The following ERBB4 variants were observed in gnomAD, a reference collection of about 807,000 sequenced individuals.
ERBB4 encodes erb-b2 receptor tyrosine kinase 4.
ERBB4 carries 42 observed loss-of-function variants against 158.0 expected under a neutral mutation model. The ratio of observed to expected loss-of-function variants is 0.27; its 90% CI spans 0.21 to 0.34. The LOEUF (loss-of-function observed/expected upper bound fraction) is 0.34, where lower values mean the gene tolerates loss of function less well. Among genes scored for constraint, ERBB4 ranks in the 10% least tolerant of loss-of-function variants. The pLI is 1.00. For missense variants in ERBB4, 1,333 were observed against 1,624.1 expected, an observed-to-expected ratio of 0.82 and a Z score of 3.08; for synonymous variants, 583 against 558.7, an observed-to-expected ratio of 1.04 and a Z score of -0.61.
At chr2:212,446,631 A>ATATATATATATATATC (rs2092362661) in intron 1 of ERBB4, among the ~76,000 whole-genome samples, 1 of 88,324 alleles carries the variant, frequency 1.1e-5, no homozygotes, top group Non-Finnish European at 2.4e-5. Context: ...ATATATATAT[A>ATATATATATATATATC]TATATATCCT....
intron 2 of ERBB4, among the ~76,000 whole-genome samples, chr2:212,003,216 G>GAAAGAAAGACAGAAA (rs1491317567): frequency 2.9e-5 from 1 of 34,472 alleles, no homozygotes; most frequent in African/African-American, 1.1e-4. Context: ...ACAGAAAGAA[G>GAAAGAAAGACAGAAA]GAAGGAAGGA....
chr2:211,715,663 A>G (rs2073872294), intron 7 of ERBB4, among the ~76,000 whole-genome samples: 2 of 152,084 alleles, frequency 1.3e-5, no homozygotes, highest in Admixed American at 1.3e-4. Context: ...GGTTGTTTAC[A>G]AGTGTGTCAC....
intron 3 of ERBB4, among the ~76,000 whole-genome samples, chr2:211,910,615 A>C (rs1471164379): frequency 1.3e-5 from 2 of 151,936 alleles, no homozygotes; most frequent in Non-Finnish European, 2.9e-5. Context: ...AGGAAAAATA[A>C]CTGAAGGACA....
intron 20 of ERBB4, among the ~76,000 whole-genome samples, chr2:211,498,348 T>C (rs2125586130): frequency 6.6e-6 from 1 of 152,264 alleles, no homozygotes; most frequent in Non-Finnish European, 1.5e-5. Flanking sequence ...GAGTTACTTG[T>C]TTATTTCTCT....
At chr2:212,529,829 T>C (rs1025448892) in intron 1 of ERBB4, among the ~76,000 whole-genome samples, 1 of 152,112 alleles carries the variant, frequency 6.6e-6, no homozygotes, top group African/African-American at 2.4e-5. Context: ...TAATTTAAAG[T>C]AAAACTTAAA....
chr2:211,828,740 G>A (rs1166190288), intron 3 of ERBB4, among the ~76,000 whole-genome samples: 1 of 152,070 alleles, frequency 6.6e-6, no homozygotes, highest in African/African-American at 2.4e-5. Flanking sequence ...CAGATTGGGA[G>A]TCCTTCCCAC....
At chr2:212,480,499 G>A (rs1453587373) in intron 1 of ERBB4, among the ~76,000 whole-genome samples, 1 of 152,190 alleles carries the variant, frequency 6.6e-6, no homozygotes, top group Non-Finnish European at 1.5e-5. Context: ...TTTTCCTTGA[G>A]TCTTGAAATA....
At chr2:212,379,710 A>G (rs1048096324) in intron 1 of ERBB4, among the ~76,000 whole-genome samples, 20 of 151,608 alleles carry the variant, frequency 1.3e-4, no homozygotes, top group Admixed American at 6.6e-5. Flanking sequence ...ACAATGAGAA[A>G]GAATCTTAAA....
intron 1 of ERBB4, among the ~76,000 whole-genome samples, chr2:212,266,688 T>C (rs2085149000): frequency 6.6e-6 from 1 of 152,008 alleles, no homozygotes. Context: ...ATTATTATTA[T>C]TATTAGTGGA....
chr2:211,888,806 G>A lies in ERBB4; in HGVS notation c.421+58624C>T, dbSNP rs1201825443. On this transcript the variant is annotated intron_variant, in intron 3 of 27. Transcript: ENST00000342788. ...GGGTGACGGACGCACCTGGAAAATC[G>A]GGTCACTCCCACCCGAATATTGCGC... is the stretch of plus-strand genomic sequence containing the variant. Among the ~76,000 whole-genome samples, 6 of 151,776 alleles carry A rather than the reference G, an allele frequency of 4.0e-5. No individual in the cohort carries two copies. In the East Asian group the frequency reaches 7.8e-4, roughly 20 times the overall value.
At chr2:211,785,322 C>T (rs893627454) in intron 4 of ERBB4, among the ~76,000 whole-genome samples, 4 of 152,070 alleles carry the variant, frequency 2.6e-5, no homozygotes, top group African/African-American at 9.7e-5. Flanking sequence ...AGGATGGTCT[C>T]GCTCTCCTGA....
chr2:211,688,738 C>T (rs115190469), intron 12 of ERBB4, among the ~76,000 whole-genome samples: 3,386 of 152,102 alleles, frequency 0.022, 133 homozygotes, highest in African/African-American at 0.076. Flanking sequence ...TGCTAAGCAC[C>T]CACTAAGCTT....
chr2:211,849,198 G>C (rs2077661046), intron 3 of ERBB4, among the ~76,000 whole-genome samples: 1 of 151,792 alleles, frequency 6.6e-6, no homozygotes, highest in Non-Finnish European at 1.5e-5. Context: ...AGATAGTTCT[G>C]CTTTATAAAT....
intron 1 of ERBB4, among the ~76,000 whole-genome samples, chr2:212,501,462 C>G (rs1415358429): frequency 6.6e-6 from 1 of 152,138 alleles, no homozygotes; most frequent in Non-Finnish European, 1.5e-5. Flanking sequence ...AACAATAGCT[C>G]AAGAGCTGCA....
chr2:212,174,622 A>T (rs539077895), intron 1 of ERBB4, among the ~76,000 whole-genome samples: 35 of 152,182 alleles, frequency 2.3e-4, no homozygotes, highest in Non-Finnish European at 4.0e-4. Context: ...ATTTGTGGAC[A>T]TATTTCTGCT....
intron 1 of ERBB4, among the ~76,000 whole-genome samples, chr2:212,331,340 G>A (rs1037247257): frequency 4.6e-5 from 7 of 151,238 alleles, no homozygotes; most frequent in Admixed American, 1.3e-4. Flanking sequence ...ATATAAAACC[G>A]AGAATGTCTC....
chr2:212,177,515 C>G (rs2081708906), intron 1 of ERBB4, among the ~76,000 whole-genome samples: 2 of 151,912 alleles, frequency 1.3e-5, no homozygotes, highest in South Asian at 4.2e-4. Context: ...ATTTGAGTGC[C>G]AACTTAGGGT....
chr2:212,459,132 G>T (rs1365640894), intron 1 of ERBB4, among the ~76,000 whole-genome samples: 1 of 151,908 alleles, frequency 6.6e-6, no homozygotes, highest in Admixed American at 6.6e-5. Context: ...AGGCTTTTGG[G>T]TTTTATATAT....
intron 1 of ERBB4, among the ~76,000 whole-genome samples, chr2:212,256,383 A>C (rs1413574601): frequency 1.3e-5 from 2 of 152,150 alleles, no homozygotes; most frequent in Non-Finnish European, 1.5e-5. Flanking sequence ...TTAAGGAATC[A>C]TATCAGTTGC....
Sources: allele counts gnomAD v4.1 joint callset (sites outside exome capture counted in the v4.1 genomes callset), GRCh38; gene constraint gnomAD v4.1.1; transcripts MANE v1.5; gene names NCBI Gene and HGNC (gene_info 2026-07-23, HGNC 2026-07-21).